The following SLC9C2 variants were observed in gnomAD, a reference collection of about 807,000 sequenced individuals.
SLC9C2 encodes the protein sodium/hydrogen exchanger 11.
A neutral mutation model predicts 140.2 loss-of-function variants in SLC9C2; 75 were observed. The ratio of observed to expected loss-of-function variants is 0.53; its 90% CI spans 0.44 to 0.65. SLC9C2 has a LOEUF of 0.65. Ranked by LOEUF, SLC9C2 falls within the 30% of genes least tolerant of loss-of-function variation. SLC9C2 has a pLI of 0.00. For missense variants in SLC9C2, 1,074 were observed against 1,331.8 expected, an observed-to-expected ratio of 0.81 and a Z score of 3.01; for synonymous variants, 375 against 420.9, an observed-to-expected ratio of 0.89 and a Z score of 1.34.
intron 22 of SLC9C2, among the ~76,000 whole-genome samples, chr1:173,520,014 C>A (rs1389204043): frequency 2.0e-5 from 3 of 151,984 alleles, no homozygotes; most frequent in Non-Finnish European, 4.4e-5. Context: ...GTGGTGCGTG[C>A]CTGTAATCCT....
chr1:173,512,358 G>T (rs144593545), intron 23 of SLC9C2, among the ~76,000 whole-genome samples: 1 of 152,160 alleles, frequency 6.6e-6, no homozygotes, highest in African/African-American at 2.4e-5. Context: ...TCCTTGAAAA[G>T]GTCCTTCACA....
At chr1:173,596,647 C>T (rs1465333806) in intron 4 of SLC9C2, 2 of 151,894 alleles carry the variant, frequency 1.3e-5, no homozygotes, top group African/African-American at 4.8e-5. Flanking sequence ...ATGGACTAAA[C>T]TAGTTTTTAA....
intron 5 of SLC9C2, among the ~76,000 whole-genome samples, chr1:173,585,382 T>G (rs1220323447): frequency 6.6e-6 from 1 of 152,146 alleles, no homozygotes; most frequent in Non-Finnish European, 1.5e-5. Context: ...AGTTTTTGCT[T>G]AAAAAAATAA....
chr1:173,587,990 A>G (rs966536454), intron 4 of SLC9C2, among the ~76,000 whole-genome samples, 160 bp from the exon 5 acceptor site: 1 of 152,208 alleles, frequency 6.6e-6, no homozygotes, highest in Non-Finnish European at 1.5e-5. Context: ...TGCCACAAAG[A>G]AACCGCCCCT....
At chr1:173,600,248 G>T in intron 2 of SLC9C2, 31 bp from the exon 3 acceptor site, 1 of 1,483,950 alleles carries the variant, frequency 6.7e-7, no homozygotes, top group Non-Finnish European at 9.4e-7. Context: ...AGTTGCATGA[G>T]TACTCGAAGT....
At chr1:173,552,254 T>C (rs560396647) in intron 11 of SLC9C2, among the ~76,000 whole-genome samples, 1 of 152,294 alleles carries the variant, frequency 6.6e-6, no homozygotes, top group African/African-American at 2.4e-5. Context: ...TACATAAAAG[T>C]GCAAAGTGAA....
chr1:173,575,242 C>T (rs560565254), intron 8 of SLC9C2, among the ~76,000 whole-genome samples: 3 of 152,162 alleles, frequency 2.0e-5, no homozygotes, highest in Non-Finnish European at 4.4e-5. Flanking sequence ...ACATGTCTGC[C>T]ACTTAACAAG....
intron 14 of SLC9C2, 118 bp downstream of exon 14, chr1:173,536,824 A>AT (rs1661996712): frequency 1.4e-6 from 1 of 733,426 alleles, no homozygotes; most frequent in Admixed American, 2.2e-5. Flanking sequence ...AGATGGATAC[A>AT]TACAGATATG....
intron 13 of SLC9C2, 65 bp from the exon 14 acceptor site, chr1:173,537,104 C>A: frequency 1.6e-6 from 2 of 1,234,924 alleles, no homozygotes; most frequent in Non-Finnish European, 1.2e-6. Context: ...TCTTCTTAAC[C>A]CTTACATAGC....
Position 173,506,962 on chromosome 1 carries a change from T to C in SLC9C2, c.3119A>G (p.Asp1040Gly), listed in dbSNP as rs1459096156. The C allele has an allele frequency of 6.2e-7, 1 of 1,613,358 alleles. No homozygotes were observed. The highest frequency in any genetic ancestry group is 1.3e-5 in the African/African-American group (1 of 74,894). The change falls in exon 25 of 28, where the codon GAT (aspartate) becomes GGT (glycine). Residue 1040 changes from aspartate (D) to glycine (G), a missense_variant. Transcript: ENST00000367714. ...GATAACAAATTTCATGGTCATATTA[T>C]CAATAATCATGTCACTATAGCTTGA... ...TLSSYSDMII[D>G]NMTMKFVIIV...
intron 2 of SLC9C2, among the ~76,000 whole-genome samples, chr1:173,601,422 T>C (rs1469180862): frequency 6.6e-6 from 1 of 152,254 alleles, no homozygotes; most frequent in East Asian, 1.9e-4. Flanking sequence ...AGTTAAGTTA[T>C]TCTTCTTACA....
At chr1:173,598,909 A>T (rs919667144) in intron 3 of SLC9C2, among the ~76,000 whole-genome samples, 11 of 152,226 alleles carry the variant, frequency 7.2e-5, no homozygotes, top group Non-Finnish European at 1.6e-4. Flanking sequence ...TTTCAAAAAT[A>T]AAGGAATGAG....
chr1:173,540,909 T>C (rs71643162), intron 13 of SLC9C2, among the ~76,000 whole-genome samples: 19 of 152,160 alleles, frequency 1.2e-4, no homozygotes, highest in Non-Finnish European at 2.5e-4. Flanking sequence ...ACATGCCAAA[T>C]TGTAAAGACC....
At chr1:173,501,327 T>G (rs373320622) in intron 27 of SLC9C2, among the ~76,000 whole-genome samples, 3 of 151,974 alleles carry the variant, frequency 2.0e-5, no homozygotes, top group African/African-American at 7.2e-5. Context: ...TCCATGAGAG[T>G]AGTCTATCAA....
intron 22 of SLC9C2, 124 bp from the exon 23 acceptor site, chr1:173,517,828 GAA>G: frequency 1.3e-6 from 1 of 788,130 alleles, no homozygotes; most frequent in South Asian, 2.9e-5. Context: ...TGTCAGGTGT[GAA>G]AGAAGAATTA....
rs1315958709 is a variant in SLC9C2, at chr1:173,602,838, A to T, written c.-167T>A. 6.6e-6 allele frequency: 1 copy of T among 152,182 alleles called. No homozygotes were observed. The highest frequency in any genetic ancestry group is 1.5e-5 in the Non-Finnish European group (1 of 68,042). 9.4% of individuals were successfully genotyped at this position (152,182 alleles called of 1,614,324 possible). On this transcript the variant is annotated 5_prime_UTR_variant, in exon 1 of 28. The change abolishes an upstream ATG in the 5' untranslated region. Transcript: ENST00000367714. ...GCCAGAAAGAGATTCAAAATGCTAC[A>T]TCTTCAAATCACTTCACCTGTCCCT...
intron 18 of SLC9C2, 45 bp downstream of exon 18, chr1:173,529,860 A>G: frequency 6.4e-7 from 1 of 1,570,370 alleles, no homozygotes; most frequent in Non-Finnish European, 8.6e-7. Flanking sequence ...AAGTTAATAC[A>G]CCTAAGGGGT....
At chr1:173,600,660 C>G (rs899747532) in intron 2 of SLC9C2, among the ~76,000 whole-genome samples, 4 of 152,094 alleles carry the variant, frequency 2.6e-5, no homozygotes, top group African/African-American at 7.2e-5. Flanking sequence ...CAAGGAGCAT[C>G]TGTACTTCTT....
At chr1:173,542,261 G>GA (rs1220892223) in intron 13 of SLC9C2, among the ~76,000 whole-genome samples, 1 of 152,152 alleles carries the variant, frequency 6.6e-6, no homozygotes, top group Non-Finnish European at 1.5e-5. Context: ...AAATCTAGAA[G>GA]AAATGGATAA....
Sources: allele counts gnomAD v4.1 joint callset (sites outside exome capture counted in the v4.1 genomes callset), GRCh38; gene constraint gnomAD v4.1.1; transcripts MANE v1.5; gene names NCBI Gene and HGNC (gene_info 2026-07-23, HGNC 2026-07-21).